Variants in SETD2 observed in about 807,000 individuals in gnomAD.
SETD2 encodes SET domain containing 2, histone lysine methyltransferase.
In SETD2, 31 loss-of-function variants were observed where a neutral mutation model predicts 242.1. That is an observed-to-expected ratio of 0.13 (90% CI 0.10 to 0.17). The LOEUF is 0.17. Among genes scored for constraint, SETD2 ranks in the 10% least tolerant of loss-of-function variants. The pLI, the probability that SETD2 is intolerant of heterozygous loss-of-function variation, is 1.00. For missense variants in SETD2, 2,481 were observed against 3,046.3 expected, an observed-to-expected ratio of 0.81 and a Z score of 4.37; for synonymous variants, 1,006 against 1,066.5, an observed-to-expected ratio of 0.94 and a Z score of 1.11.
chr3:47,091,236 T>C (rs1192336929), intron 9 of SETD2, among the ~76,000 whole-genome samples: 1 of 152,196 alleles, frequency 6.6e-6, no homozygotes, highest in African/African-American at 2.4e-5. Context: ...TTAGATGAGT[T>C]CAAGGGCTTT....
At chr3:47,055,962 G>A (rs1169748013) in intron 15 of SETD2, among the ~76,000 whole-genome samples, 15 of 117,964 alleles carry the variant, frequency 1.3e-4, no homozygotes, top group Non-Finnish European at 2.3e-4. Context: ...GCAGTGAACC[G>A]AGATCGCGCC....
At chr3:47,158,632 CAA>C (rs1697388592) in intron 1 of SETD2, among the ~76,000 whole-genome samples, 1 of 152,126 alleles carries the variant, frequency 6.6e-6, no homozygotes, top group Non-Finnish European at 1.5e-5. Flanking sequence ...TAACATACAA[CAA>C]AGTATGTGTT....
At chr3:47,087,162 T>C (rs1014813837) in intron 10 of SETD2, among the ~76,000 whole-genome samples, 1 of 149,760 alleles carries the variant, frequency 6.7e-6, no homozygotes, top group Non-Finnish European at 1.5e-5. Flanking sequence ...TTTGGGATGC[T>C]AGTAACTGGA....
In SETD2 at chr3:47,048,967, A is replaced by G. The variant is rs1021486152; in HGVS notation, c.6964-2346T>C. On this transcript the variant is annotated intron_variant, in intron 15 of 20. Coordinates refer to ENST00000409792, the MANE Select transcript of SETD2 (RefSeq NM_014159.7). ...AGGTGTGAGCCACCGTGCCTGGCCTATATTTTTTTTAAAAAAGAGTCTCAT... is the reference window on the plus strand; with the variant it reads ...AGGTGTGAGCCACCGTGCCTGGCCTGTATTTTTTTTAAAAAAGAGTCTCAT... Among the ~76,000 whole-genome samples, 33 of 151,846 alleles carry G rather than the reference A, an allele frequency of 2.2e-4. No individual in the cohort carries two copies. The East Asian group carries it at 6.2e-3, about 29-fold the overall frequency.
At position 47,105,903 on chromosome 3, in the gene SETD2, CAAAA is replaced by C. The variant is rs55987628; in HGVS notation, c.4839+90_4839+93del. On this transcript the variant is annotated intron_variant, in intron 6 of 20. Coordinates refer to ENST00000409792, the MANE Select transcript of SETD2 (RefSeq NM_014159.7). ...GGGCGATAGAGCGAGACTCCGTCTC[CAAAA>C]AAAAAAAAAAAAAAAAAATCAAATC... 0.041 allele frequency: 38,801 copies of C among 945,756 alleles called. No homozygotes were observed. The highest frequency in any genetic ancestry group is 0.052 in the South Asian group (2,722 of 52,772). The allele number at this position is 945,756 out of a possible 1,614,324, so 58.6% of individuals were successfully genotyped here.
At chr3:47,114,134 C>T in intron 4 of SETD2, 130 bp from the exon 5 acceptor site, 1 of 854,960 alleles carries the variant, frequency 1.2e-6, no homozygotes, top group Non-Finnish European at 1.8e-6. Context: ...GTATGACTAA[C>T]CCCCAACTAA....
Position 47,099,565 on chromosome 3 carries a change from T to C in SETD2, c.5016-1484A>G, listed in dbSNP as rs545498603. Reference sequence around the variant, plus strand: ...TGACCACTGTTTAGGACCCATACCTTACTAAGTGTTGCAAAATGGTGATAT... The same window carrying C: ...TGACCACTGTTTAGGACCCATACCTCACTAAGTGTTGCAAAATGGTGATAT... On this transcript the variant is annotated intron_variant, in intron 8 of 20. Transcript: ENST00000409792. 3.3e-5 allele frequency among the ~76,000 whole-genome samples: 5 copies of C among 152,340 alleles called. No homozygotes were observed. The South Asian group carries it at 1.0e-3, about 32-fold the overall frequency.
chr3:47,018,325 C>T (rs191896704), intron 19 of SETD2, among the ~76,000 whole-genome samples: 46 of 152,284 alleles, frequency 3.0e-4, no homozygotes, highest in South Asian at 8.3e-4. Context: ...TATGGTCTGT[C>T]CTACCCAGGT....
chr3:47,106,021 A>G lies in SETD2; in HGVS notation c.4815T>C (p.Tyr1605=). The change falls in exon 6 of 21, where the codon TAT becomes TAC. Residue 1605 remains tyrosine, a synonymous_variant. Transcript: ENST00000409792. The stretch of plus-strand genomic sequence containing the variant: ...CCTCATCATTCTTCAGGGCCATGAA[A>G]TAGTAATGGATGTTTTTGTTTCGTG... The part of the protein sequence containing the change: ...EYARNKNIHY[Y]FMALKNDEII... The G allele has an allele frequency of 6.2e-7, 1 of 1,614,012 alleles. No individual in the cohort carries two copies.
rs747580174 is a variant in SETD2 at position 47,120,933 on chromosome 3, A to T, written c.3703T>A (p.Leu1235Met). Residue 1235 changes from leucine to methionine, a missense_variant, in exon 3 of 21, where the codon TTG becomes ATG. Leu to Met is a conservative substitution (Grantham distance 15). Transcript: ENST00000409792. ...RPDSRLGKTE[L>M]SFSSSCEIPH... Reference sequence around the variant, plus strand: ...ATCTCACAAGAGGAAGAAAAACTCAATTCTGTTTTTCCCAGTCTACTATCT... The same window carrying T: ...ATCTCACAAGAGGAAGAAAAACTCATTTCTGTTTTTCCCAGTCTACTATCT... The T allele has an allele frequency of 1.2e-5, 19 of 1,614,216 alleles. No homozygotes were observed. In the South Asian group the frequency reaches 2.1e-4, roughly 18 times the overall value.
chr3:47,055,738 G>A (rs534610668), intron 15 of SETD2, among the ~76,000 whole-genome samples: 106 of 150,658 alleles, frequency 7.0e-4, no homozygotes, highest in Middle Eastern at 7.1e-3. Flanking sequence ...GGCCAGGCAC[G>A]GTGGCTCACG....
intron 1 of SETD2, among the ~76,000 whole-genome samples, chr3:47,148,481 A>C (rs1008983111): frequency 2.0e-4 from 31 of 152,112 alleles, no homozygotes; most frequent in African/African-American, 7.2e-4. Flanking sequence ...ACTTTCTTTT[A>C]ATGAAGACAA....
At chr3:47,104,989 C>T (rs911691453) in intron 6 of SETD2, among the ~76,000 whole-genome samples, 2 of 152,126 alleles carry the variant, frequency 1.3e-5, no homozygotes, top group Non-Finnish European at 2.9e-5. Context: ...GGCTGGCCTC[C>T]TTTGGCTTCA....
Position 47,102,572 on chromosome 3 carries a change from C to T in SETD2, c.4917+774G>A, listed in dbSNP as rs902652997. Among the ~76,000 whole-genome samples the T allele has an allele frequency of 2.6e-5, 4 of 152,286 alleles. No homozygotes were observed. In the East Asian group the frequency reaches 5.8e-4, roughly 22 times the overall value. On this transcript the variant is annotated intron_variant, in intron 7 of 20. Coordinates refer to ENST00000409792, the MANE Select transcript of SETD2 (RefSeq NM_014159.7). ...TTGGGAGGCTGACGGGGGTGGATCG[C>T]TTGAGGCCAGGAGTTCGAGACCAGC... is the stretch of plus-strand genomic sequence containing the variant.
chr3:47,085,936 A>G lies in SETD2; in HGVS notation c.5397+259T>C, dbSNP rs375234000. The stretch of plus-strand genomic sequence containing the variant: ...TTCACTTAACTATGTTGTTGTTATT[A>G]TATCTTGCTCTTGTAGTTCCCTGCT... On this transcript the variant is annotated intron_variant, in intron 11 of 20. Transcript: ENST00000409792. Among the ~76,000 whole-genome samples the G allele has an allele frequency of 2.3e-4, 35 of 152,308 alleles. 1 individual carries two copies. The East Asian group carries it at 6.0e-3, about 26-fold the overall frequency.
intron 9 of SETD2, among the ~76,000 whole-genome samples, chr3:47,096,936 C>T (rs1056020178): frequency 2.0e-5 from 3 of 151,960 alleles, no homozygotes; most frequent in African/African-American, 7.3e-5. Flanking sequence ...CTTTTTTTAA[C>T]TTTTTTTAAC....
intron 19 of SETD2, among the ~76,000 whole-genome samples, chr3:47,019,405 C>G (rs62246396): frequency 0.02 from 3,040 of 152,310 alleles, 43 homozygotes; most frequent in Non-Finnish European, 0.032. Flanking sequence ...GGCCACACCT[C>G]TTTCACCAAT....
intron 1 of SETD2, among the ~76,000 whole-genome samples, chr3:47,128,608 C>G (rs1045908915): frequency 2.6e-5 from 4 of 152,086 alleles, no homozygotes; most frequent in Non-Finnish European, 5.9e-5. Flanking sequence ...GGGCAGTAAG[C>G]TGATAATACA....
At chr3:47,068,796 A>G (rs1351779835) in intron 12 of SETD2, among the ~76,000 whole-genome samples, 1 of 142,882 alleles carries the variant, frequency 7.0e-6, no homozygotes, top group Non-Finnish European at 1.5e-5. Flanking sequence ...CGCCCGGCCT[A>G]TCTTTTTGTT....
Sources: gnomAD v4.1 joint callset for allele counts (sites outside exome capture counted in the v4.1 genomes callset) on GRCh38, gnomAD v4.1.1 for gene constraint, MANE v1.5 for transcripts, NCBI Gene and HGNC (gene_info 2026-07-23, HGNC 2026-07-21) for gene names.